DGLUCY: variants seen among roughly 807,000 people sequenced by gnomAD.
DGLUCY encodes D-glutamate cyclase.
In DGLUCY, 58 loss-of-function variants were observed where a neutral mutation model predicts 58.5. The ratio of observed to expected loss-of-function variants is 0.99; its 90% confidence interval spans 0.80 to 1.23. The LOEUF is 1.23. DGLUCY is among the 50% of genes most tolerant of loss of function. DGLUCY has a pLI of 0.00. For synonymous variants in DGLUCY, 325 were observed against 314.1 expected (o/e 1.03, Z -0.37); for missense variants, 779 against 784.7 (o/e 0.99, Z 0.09).
intron 13 of DGLUCY, among the ~76,000 whole-genome samples, chr14:91,218,256 C>T (rs1886889291): frequency 6.6e-6 from 1 of 152,180 alleles, no homozygotes; most frequent in South Asian, 2.1e-4. Context: ...CACATGATTC[C>T]TGATTCACGC....
intron 7 of DGLUCY, among the ~76,000 whole-genome samples, chr14:91,176,649 G>A (rs2048871546): frequency 6.6e-6 from 1 of 152,194 alleles, no homozygotes; most frequent in South Asian, 2.1e-4. Flanking sequence ...GCCCAGGCTG[G>A]AGTGCAGTGG....
At chr14:91,180,015 C>G (rs1277541045) in intron 7 of DGLUCY, among the ~76,000 whole-genome samples, 1 of 149,528 alleles carries the variant, frequency 6.7e-6, no homozygotes, top group Non-Finnish European at 1.5e-5. Context: ...CCTCAGCCTC[C>G]CAAGTAGCTG....
intron 1 of DGLUCY, among the ~76,000 whole-genome samples, chr14:91,062,592 T>A (rs1243075363): frequency 2.2e-4 from 6 of 26,688 alleles, no homozygotes; most frequent in African/African-American, 3.0e-4. Context: ...TATATATATA[T>A]ATATATATAT....
At chr14:91,192,865 T>G (rs2049982994) in intron 9 of DGLUCY, among the ~76,000 whole-genome samples, 1 of 152,170 alleles carries the variant, frequency 6.6e-6, no homozygotes, top group African/African-American at 2.4e-5. Flanking sequence ...TTACCATAAT[T>G]TTTAAAAGAA....
At position 91,130,809 on chromosome 14, in the gene DGLUCY, A is replaced by G. The variant is rs2045986468; in HGVS notation, c.-82+16526A>G. Among the ~76,000 whole-genome samples, 3 of 152,018 alleles carry G rather than the reference A, an allele frequency of 2.0e-5. No individual in the cohort carries two copies. In the South Asian group the frequency reaches 6.2e-4, roughly 32 times the overall value. On this transcript the variant is annotated intron_variant, in intron 1 of 13. Coordinates refer to ENST00000256324, the MANE Select transcript of DGLUCY (RefSeq NM_001102368.3). The stretch of plus-strand genomic sequence containing the variant: ...AACAGTGCATAATCTTTTCATAGTT[A>G]TAAACCAACTGTTTTTTCTGTACTG...
intron 5 of DGLUCY, among the ~76,000 whole-genome samples, chr14:91,172,251 T>G (rs28688515): frequency 5.9e-5 from 9 of 151,492 alleles, no homozygotes; most frequent in Non-Finnish European, 8.8e-5. Flanking sequence ...ATGGTTTTGG[T>G]TTTTTTTGGT....
At chr14:91,136,669 C>A (rs1166270908) in intron 1 of DGLUCY, among the ~76,000 whole-genome samples, 3 of 148,178 alleles carry the variant, frequency 2.0e-5, no homozygotes, top group Non-Finnish European at 4.5e-5. Context: ...GGTGACAGAG[C>A]AAGACTCTGT....
Position 91,064,763 on chromosome 14 carries a change from C to T in DGLUCY, c.-82+4059C>T, listed in dbSNP as rs192078817. On this transcript the variant is annotated intron_variant, in intron 1 of 4. Transcript: ENST00000521334. ...AGGGAATGGTCAGCTGTATCAGATA[C>T]CCTAAGATGTCATATAACATGAGGT... Among the ~76,000 whole-genome samples the T allele has an allele frequency of 1.4e-3, 212 of 152,068 alleles. 2 individuals are homozygous for T. Among genetic ancestry groups the T allele is most frequent in the Non-Finnish European group, 2.0e-3 (139 of 67,996 alleles).
intron 8 of DGLUCY, among the ~76,000 whole-genome samples, chr14:91,182,923 TTTTTA>T (rs1258384774): frequency 2.9e-5 from 4 of 138,874 alleles, no homozygotes; most frequent in Admixed American, 6.8e-5. Context: ...TTTATTTTAT[TTTTTA>T]TTTTATTTTA....
rs1453975330 is a variant in DGLUCY at position 91,074,160 on chromosome 14, C to CACACACACACACACACACAT, written c.-82+13457_-82+13458insCACACACACACACACACATA. Among the ~76,000 whole-genome samples, 534 of 135,896 alleles carry CACACACACACACACACACAT rather than the reference C, an allele frequency of 3.9e-3. 22 individuals carry two copies. Among genetic ancestry groups the CACACACACACACACACACAT allele is most frequent in the East Asian group, 0.01 (47 of 4,480 alleles). The allele number at this position is 135,896 out of a possible 152,430, so 89.2% of individuals were successfully genotyped here. ...ACACACACACACACACACACACACA[C>CACACACACACACACACACAT]AGTCAAGCACCTGTATTCCCAGCTA... On this transcript the variant is annotated intron_variant, in intron 1 of 4. Transcript: ENST00000521334.
intron 6 of DGLUCY, chr14:91,173,646 T>C: frequency 1.6e-6 from 1 of 621,338 alleles, no homozygotes; most frequent in Non-Finnish European, 2.5e-6. Context: ...TCCCATGGCT[T>C]GTCTTTGTTT....
intron 1 of DGLUCY, among the ~76,000 whole-genome samples, chr14:91,140,394 G>A (rs1004754585): frequency 6.6e-5 from 10 of 152,286 alleles, no homozygotes; most frequent in South Asian, 6.2e-4. Context: ...TTTATGGGTC[G>A]GGTGCGGTGG....
chr14:91,163,771 G>A (rs1049508869), intron 3 of DGLUCY, among the ~76,000 whole-genome samples: 6 of 152,038 alleles, frequency 3.9e-5, no homozygotes, highest in Admixed American at 3.9e-4. Flanking sequence ...TCTGAGCCTC[G>A]TTCCCCTCAT....
chr14:91,146,335 C>A (rs2047011022), intron 1 of DGLUCY, among the ~76,000 whole-genome samples: 1 of 152,176 alleles, frequency 6.6e-6, no homozygotes, highest in African/African-American at 2.4e-5. Context: ...TAAAGAAAAC[C>A]TTTGGAGAAG....
At chr14:91,217,270 G>A (rs1886679064) in intron 13 of DGLUCY, among the ~76,000 whole-genome samples, 1 of 151,402 alleles carries the variant, frequency 6.6e-6, no homozygotes, top group Admixed American at 6.6e-5. Flanking sequence ...CAGCCTGAGG[G>A]ATTAGAGGTG....
In DGLUCY at chr14:91,072,335, AAAG is replaced by A. The variant is rs1299367298; in HGVS notation, c.-82+11634_-82+11636del. On this transcript the variant is annotated intron_variant, in intron 1 of 4. Transcript: ENST00000521334. ...TGAGACTCTGTCTCAAAAAAAAAAA[AAAG>A]AACTCCATGAACTGCAGCTTTTTAA... 2.0e-5 allele frequency among the ~76,000 whole-genome samples: 3 copies of A among 152,146 alleles called. No homozygotes were observed. In the East Asian group the frequency reaches 5.8e-4, roughly 29 times the overall value.
chr14:91,179,458 A>G (rs1485146269), intron 7 of DGLUCY, among the ~76,000 whole-genome samples: 1 of 151,720 alleles, frequency 6.6e-6, no homozygotes, highest in Non-Finnish European at 1.5e-5. Context: ...CTTTAAAAAT[A>G]TATATAGATG....
chr14:91,071,334 CAAAAAAA>C (rs3086750), intron 1 of DGLUCY, among the ~76,000 whole-genome samples: 1 of 84,228 alleles, frequency 1.2e-5, no homozygotes, highest in South Asian at 3.9e-4. Context: ...GAGATTCCAC[CAAAAAAA>C]AAAAAAAAAA....
At chr14:91,220,588 A>G (rs1296300390) in intron 13 of DGLUCY, 1 of 456,324 alleles carries the variant, frequency 2.2e-6, no homozygotes, top group Admixed American at 2.3e-5. Context: ...ATGTGGCGTC[A>G]TGTGGGACTG....
Sources: allele counts gnomAD v4.1 joint callset (sites outside exome capture counted in the v4.1 genomes callset), GRCh38; gene constraint gnomAD v4.1.1; transcripts MANE v1.5; gene names NCBI Gene and HGNC (gene_info 2026-07-23, HGNC 2026-07-21).